The following HS6ST3 variants were observed in gnomAD, a reference collection of about 807,000 sequenced individuals.
The protein encoded by HS6ST3 is heparan-sulfate 6-O-sulfotransferase 3.
Under a neutral mutation model 36.7 loss-of-function variants are expected in HS6ST3, and 12 were observed. That is an observed-to-expected ratio of 0.33 (90% CI 0.21 to 0.53). The LOEUF is 0.53. Ranked by LOEUF, HS6ST3 falls within the 20% of genes least tolerant of loss-of-function variation. The pLI is 0.95. For synonymous variants in HS6ST3, 240 were observed against 257.5 expected (o/e 0.93, Z 0.65); for missense variants, 584 against 640.9 (o/e 0.91, Z 0.96).
intron 1 of HS6ST3, among the ~76,000 whole-genome samples, chr13:96,345,689 G>A (rs1405418722): frequency 2.0e-5 from 3 of 152,084 alleles, no homozygotes; most frequent in Non-Finnish European, 4.4e-5. Context: ...GGTTGGGTGG[G>A]GATGGTTTTG....
At chr13:96,661,380 G>A (rs976819702) in intron 1 of HS6ST3, among the ~76,000 whole-genome samples, 4 of 152,058 alleles carry the variant, frequency 2.6e-5, no homozygotes, top group Non-Finnish European at 4.4e-5. Context: ...ATCCTTTATT[G>A]TCTTTTTTTT....
intron 1 of HS6ST3, among the ~76,000 whole-genome samples, chr13:96,760,055 T>C (rs1311146323): frequency 6.6e-6 from 1 of 152,092 alleles, no homozygotes; most frequent in Non-Finnish European, 1.5e-5. Context: ...AATTCAACAA[T>C]GGTTGTATGA....
chr13:96,103,286 C>T (rs2053826360), intron 1 of HS6ST3, among the ~76,000 whole-genome samples: 2 of 152,130 alleles, frequency 1.3e-5, no homozygotes, highest in South Asian at 4.1e-4. Flanking sequence ...GAGTGGTATC[C>T]AGAAAAGACC....
At chr13:96,731,023 A>G (rs1290793233) in intron 1 of HS6ST3, among the ~76,000 whole-genome samples, 2 of 152,148 alleles carry the variant, frequency 1.3e-5, no homozygotes, top group Non-Finnish European at 2.9e-5. Flanking sequence ...AAGTATATAC[A>G]CTGTGGAATG....
At chr13:96,663,363 A>G (rs1339936255) in intron 1 of HS6ST3, among the ~76,000 whole-genome samples, 1 of 152,192 alleles carries the variant, frequency 6.6e-6, no homozygotes, top group South Asian at 2.1e-4. Context: ...ATATTTTACC[A>G]AAGAAGTCAT....
intron 1 of HS6ST3, among the ~76,000 whole-genome samples, chr13:96,697,685 A>G (rs1321680704): frequency 6.6e-6 from 1 of 152,228 alleles, no homozygotes; most frequent in East Asian, 1.9e-4. Flanking sequence ...CACTATATCA[A>G]AAACTGGTTT....
At position 96,532,697 on chromosome 13, in the gene HS6ST3, T is replaced by C. The variant is rs566441987; in HGVS notation, c.708-299793T>C. Among the ~76,000 whole-genome samples, 4 of 152,250 alleles carry C rather than the reference T, an allele frequency of 2.6e-5. No individual in the cohort carries two copies. In the South Asian group the frequency reaches 6.2e-4, roughly 24 times the overall value. Reference sequence around the variant, plus strand: ...TAATAGTACTAGGAACCTGGTTGTCTACCTAAATCACTGAACAAAAGAAGG... The same window carrying C: ...TAATAGTACTAGGAACCTGGTTGTCCACCTAAATCACTGAACAAAAGAAGG... On this transcript the variant is annotated intron_variant, in intron 1 of 1. Transcript: ENST00000376705.
At chr13:96,670,266 T>C (rs937470674) in intron 1 of HS6ST3, among the ~76,000 whole-genome samples, 1 of 152,114 alleles carries the variant, frequency 6.6e-6, no homozygotes, top group African/African-American at 2.4e-5. Flanking sequence ...GAGGAGGTTC[T>C]CACTGGCCTT....
intron 1 of HS6ST3, chr13:96,573,861 C>A: frequency 2.2e-6 from 1 of 452,912 alleles, no homozygotes; most frequent in South Asian, 1.7e-5. Flanking sequence ...ACGAATGAAT[C>A]CAGCATCAGG....
At chr13:96,529,721 A>AT (rs1458677075) in intron 1 of HS6ST3, among the ~76,000 whole-genome samples, 2 of 152,156 alleles carry the variant, frequency 1.3e-5, no homozygotes, top group African/African-American at 2.4e-5. Flanking sequence ...CATTTAGATG[A>AT]TTTTTTAAAT....
chr13:96,807,647 CAAG>C (rs1160487513), intron 1 of HS6ST3, among the ~76,000 whole-genome samples: 5 of 152,042 alleles, frequency 3.3e-5, no homozygotes, highest in African/African-American at 1.2e-4. Flanking sequence ...ACTGAATAAA[CAAG>C]GAGATCAAAG....
chr13:96,642,791 C>A (rs977158398), intron 1 of HS6ST3, among the ~76,000 whole-genome samples: 2 of 152,026 alleles, frequency 1.3e-5, no homozygotes, highest in Admixed American at 1.3e-4. Context: ...GGTGAGGCAT[C>A]AGTTTCACAT....
intron 1 of HS6ST3, among the ~76,000 whole-genome samples, chr13:96,703,484 T>C (rs1478384808): frequency 1.3e-5 from 2 of 152,320 alleles, no homozygotes; most frequent in Non-Finnish European, 2.9e-5. Flanking sequence ...GATTGGGCGC[T>C]TGGTTTTTGT....
chr13:96,530,174 C>G (rs1566388165), intron 1 of HS6ST3, among the ~76,000 whole-genome samples: 3 of 151,860 alleles, frequency 2.0e-5, no homozygotes, highest in African/African-American at 7.3e-5. Flanking sequence ...ATATGATGGA[C>G]TTGTTTTTGT....
At chr13:96,393,899 G>A (rs762653183) in intron 1 of HS6ST3, among the ~76,000 whole-genome samples, 2 of 152,126 alleles carry the variant, frequency 1.3e-5, no homozygotes, top group African/African-American at 2.4e-5. Context: ...ATTCTTAGTG[G>A]ATAAGGCCAC....
chr13:96,646,790 C>T (rs946922622), intron 1 of HS6ST3, among the ~76,000 whole-genome samples: 34 of 151,928 alleles, frequency 2.2e-4, no homozygotes, highest in African/African-American at 7.7e-4. Flanking sequence ...GAGACAGAGC[C>T]GTGTCTTTTG....
At chr13:96,681,965 C>T (rs1292243479) in intron 1 of HS6ST3, among the ~76,000 whole-genome samples, 1 of 152,068 alleles carries the variant, frequency 6.6e-6, no homozygotes, top group Non-Finnish European at 1.5e-5. Flanking sequence ...ACTACCTGGA[C>T]AAAGTCATGG....
At chr13:96,254,454 T>A (rs1323655695) in intron 1 of HS6ST3, among the ~76,000 whole-genome samples, 146 of 2,900 alleles carry the variant, frequency 0.05, 38 homozygotes, top group Non-Finnish European at 0.052. Flanking sequence ...AAAAAATATA[T>A]ATATATATAT....
At chr13:96,349,515 C>A (rs534790420) in intron 1 of HS6ST3, among the ~76,000 whole-genome samples, 1 of 152,160 alleles carries the variant, frequency 6.6e-6, no homozygotes, top group East Asian at 1.9e-4. Context: ...AGGAAACATC[C>A]AGGGATATAA....
Sources: gnomAD v4.1 joint callset for allele counts (sites outside exome capture counted in the v4.1 genomes callset) on GRCh38, gnomAD v4.1.1 for gene constraint, MANE v1.5 for transcripts, NCBI Gene and HGNC (gene_info 2026-07-23, HGNC 2026-07-21) for gene names.